Variants in PAQR3 observed in about 807,000 individuals in gnomAD.
PAQR3 encodes the protein progestin and adipoQ receptor family member 3.
PAQR3 carries 39 observed loss-of-function variants against 41.7 expected under a neutral mutation model. The ratio of observed to expected loss-of-function variants is 0.93; its 90% CI spans 0.72 to 1.22. The LOEUF is 1.22. Among genes scored for constraint, PAQR3 ranks in the 50% most tolerant of loss-of-function variants. The pLI is 0.00. For missense variants in PAQR3, 366 were observed against 385.6 expected (o/e 0.95, Z 0.42); for synonymous variants, 140 against 140.6 (o/e 1.00, Z 0.03).
At chr4:78,926,048 C>T (rs1031758354) in intron 4 of PAQR3, among the ~76,000 whole-genome samples, 1 of 152,206 alleles carries the variant, frequency 6.6e-6, no homozygotes, top group Non-Finnish European at 1.5e-5. Context: ...TGGCTGAAAT[C>T]CCAGATCCTA....
chr4:78,931,214 T>TAAA (rs1736860220), intron 2 of PAQR3, among the ~76,000 whole-genome samples: 4 of 114,750 alleles, frequency 3.5e-5, no homozygotes, highest in South Asian at 2.7e-4. Context: ...AAAAAAAAAT[T>TAAA]GGGCATGGCG....
rs968922462 is a variant in PAQR3, at chr4:78,906,811, T to C, written c.*783-650A>G. Reference sequence around the variant, plus strand: ...CATGATGATGGTAGAGTGCTTATTATGTGTTCAGGCACCGTTCTAAGTCCT... The same window carrying C: ...CATGATGATGGTAGAGTGCTTATTACGTGTTCAGGCACCGTTCTAAGTCCT... On this transcript the variant is annotated intron_variant and NMD_transcript_variant, in intron 10 of 12. Transcript: ENST00000342820. 3.3e-5 allele frequency among the ~76,000 whole-genome samples: 5 copies of C among 152,272 alleles called. No homozygotes were observed. The East Asian group carries it at 9.6e-4, about 29-fold the overall frequency.
At chr4:78,930,887 T>C (rs1335268567) in intron 2 of PAQR3, among the ~76,000 whole-genome samples, 7 of 4,206 alleles carry the variant, frequency 1.7e-3, no homozygotes, top group African/African-American at 6.0e-3. Context: ...ACATTATATA[T>C]ATATATATAT....
rs1488773371 is a variant in PAQR3, at chr4:78,912,352, G to C, written c.*8187C>G. On this transcript the variant is annotated 3_prime_UTR_variant, in exon 6 of 6. Transcript: ENST00000512733. ...TTTCTAGGTGTGTAGCCACTGAGAA[G>C]GGACAGTGAAACTGTTATTTTTGAT... The C allele has an allele frequency of 4.0e-6, 1 of 247,176 alleles. No homozygotes were observed. Among genetic ancestry groups the C allele is most frequent in the Non-Finnish European group, 7.7e-6 (1 of 129,884 alleles). The allele number at this position is 247,176 out of a possible 1,614,324, so 15.3% of individuals were successfully genotyped here.
intron 5 of PAQR3, chr4:78,922,438 G>C: frequency 1.6e-6 from 2 of 1,288,594 alleles, no homozygotes; most frequent in Non-Finnish European, 2.0e-6. Flanking sequence ...CCAGGAAGAA[G>C]AGGGGATAAA....
downstream of PAQR3, among the ~76,000 whole-genome samples, chr4:78,908,468 C>A (rs1445103765): frequency 6.6e-6 from 1 of 152,174 alleles, no homozygotes; most frequent in African/African-American, 2.4e-5. Context: ...CCTCTGCTGA[C>A]TTCTGAATGT....
At chr4:78,894,663 G>A (rs537964341) in intron 11 of PAQR3, among the ~76,000 whole-genome samples, 32 of 152,254 alleles carry the variant, frequency 2.1e-4, no homozygotes, top group Admixed American at 9.8e-4. Context: ...CTTTCTTACC[G>A]TTCATCACTG....
At chr4:78,903,990 T>C (rs1734153881) in intron 11 of PAQR3, among the ~76,000 whole-genome samples, 1 of 151,952 alleles carries the variant, frequency 6.6e-6, no homozygotes, top group Admixed American at 6.6e-5. Flanking sequence ...GGTCTCAGAT[T>C]TCTTACGTAT....
chr4:78,921,582 T>C lies in PAQR3; in HGVS notation c.794-901A>G, dbSNP rs961929047. The C allele has an allele frequency of 3.8e-6, 3 of 796,314 alleles. No individual in the cohort carries two copies. The East Asian group carries it at 3.8e-4, about 100-fold the overall frequency. The allele number at this position is 796,314 out of a possible 1,614,324, so 49.3% of individuals were successfully genotyped here. ...AAAACACAGAGGATTACAACAAATA[T>C]TGATTATCTAATACAACTATCAGAG... On this transcript the variant is annotated intron_variant, in intron 5 of 5. Transcript: ENST00000512733.
intron 1 of PAQR3, among the ~76,000 whole-genome samples, chr4:78,938,308 T>C (rs931867689): frequency 6.6e-6 from 1 of 152,000 alleles, no homozygotes; most frequent in African/African-American, 2.4e-5. Flanking sequence ...TTCAGTTTTG[T>C]TTTTTTAAAA....
rs1236756803 is a variant in PAQR3, at chr4:78,916,871, G to A, written c.*3668C>T. The A allele has an allele frequency of 6.6e-6, 1 of 151,644 alleles. No individual in the cohort carries two copies. The highest frequency in any genetic ancestry group is 2.4e-5 in the African/African-American group (1 of 41,330). 9.4% of individuals were successfully genotyped at this position (151,644 alleles called of 1,614,324 possible). Reference sequence around the variant, plus strand: ...TTGATGGACTAAGCTTGGCATCAAGGTTATAATATGTATTATTCCAAAAAC... The same window carrying A: ...TTGATGGACTAAGCTTGGCATCAAGATTATAATATGTATTATTCCAAAAAC... On this transcript the variant is annotated 3_prime_UTR_variant, in exon 6 of 6. Coordinates refer to ENST00000512733, the MANE Select transcript of PAQR3 (RefSeq NM_001040202.2).
chr4:78,919,937 TTA>T lies in PAQR3; in HGVS notation c.*600_*601del. The T allele has an allele frequency of 1.0e-6, 1 of 985,288 alleles. No individual in the cohort carries two copies. The highest frequency in any genetic ancestry group is 1.2e-6 in the Non-Finnish European group (1 of 829,520). The allele number at this position is 985,288 out of a possible 1,614,324, so 61.0% of individuals were successfully genotyped here. ...CCTTCTCTCAACTTACTGCAGAAGT[TTA>T]AAGCTTTTGTTCTGGAAAACTAAAA... On this transcript the variant is annotated 3_prime_UTR_variant, in exon 6 of 6. Coordinates refer to ENST00000512733, the MANE Select transcript of PAQR3 (RefSeq NM_001040202.2).
chr4:78,919,194 A>G lies in PAQR3; in HGVS notation c.*1345T>C. ...ATTTTGGGAATAAGCTTCATCATCA[A>G]TTAACATTTTTTCTGATATTCAGTA... On this transcript the variant is annotated 3_prime_UTR_variant, in exon 6 of 6. Transcript: ENST00000512733. The G allele has an allele frequency of 1.0e-6, 1 of 985,126 alleles. No individual in the cohort carries two copies. The allele number at this position is 985,126 out of a possible 1,614,324, so 61.0% of individuals were successfully genotyped here.
intron 3 of PAQR3, among the ~76,000 whole-genome samples, chr4:78,929,737 T>C (rs578099649): frequency 6.6e-6 from 1 of 152,320 alleles, no homozygotes; most frequent in African/African-American, 2.4e-5. Context: ...TCAGATATAT[T>C]TTCCTGTATT....
intron 12 of PAQR3, chr4:78,887,981 C>G (rs1044910263): frequency 6.6e-6 from 1 of 152,170 alleles, no homozygotes; most frequent in Admixed American, 6.5e-5. Context: ...CAGTTCTGTT[C>G]CTTTTGTTTC....
At chr4:78,906,195 G>C (rs1429438034) in intron 10 of PAQR3, 2 of 152,034 alleles carry the variant, frequency 1.3e-5, no homozygotes, top group Admixed American at 1.3e-4. Context: ...GTTTGTCTTA[G>C]TATGCTTTCA....
chr4:78,919,748 A>AG lies in PAQR3; in HGVS notation c.*790dup, dbSNP rs1444099290. On this transcript the variant is annotated 3_prime_UTR_variant, in exon 6 of 6. Coordinates refer to ENST00000512733, the MANE Select transcript of PAQR3 (RefSeq NM_001040202.2). Reference sequence around the variant, plus strand: ...ATCAAAAACCTGTAATCCACTCACAAGAATTCAGTTATTATATGGAATTAA... The same window carrying AG: ...ATCAAAAACCTGTAATCCACTCACAAGGAATTCAGTTATTATATGGAATTAA... 6 of 984,896 alleles carry AG rather than the reference A, an allele frequency of 6.1e-6. No individual in the cohort carries two copies. The highest frequency in any genetic ancestry group is 5.2e-4 in the Middle Eastern group (1 of 1,912). 61.0% of individuals were successfully genotyped at this position (984,896 alleles called of 1,614,324 possible).
rs943190117 is a variant in PAQR3, at chr4:78,930,284, G to C, written c.390C>G (p.Cys130Trp). Residue 130 changes from cysteine to tryptophan, a missense_variant, in exon 3 of 6, where the codon TGC (cysteine) becomes TGG (tryptophan). Coordinates refer to ENST00000512733, the MANE Select transcript of PAQR3 (RefSeq NM_001040202.2). Reference sequence around the variant, plus strand: ...TTCGACATGTTTTTTCTGACCGATGGCAGGAAAAAAGATGATAGCCCACAG... The same window carrying C: ...TTCGACATGTTTTTTCTGACCGATGCCAGGAAAAAAGATGATAGCCCACAG... ...LCSVGYHLFS[C>W]HRSEKTCRRW... is the part of the protein sequence containing the mutation. 6.2e-7 allele frequency: 1 copy of C among 1,613,276 alleles called. No individual in the cohort carries two copies.
At chr4:78,902,220 A>G (rs1162086632) in intron 11 of PAQR3, among the ~76,000 whole-genome samples, 1 of 152,186 alleles carries the variant, frequency 6.6e-6, no homozygotes, top group Non-Finnish European at 1.5e-5. Context: ...ATAGTTTATA[A>G]GTAGGAATCT....
Sources: allele counts gnomAD v4.1 joint callset (sites outside exome capture counted in the v4.1 genomes callset), GRCh38; gene constraint gnomAD v4.1.1; transcripts MANE v1.5; gene names NCBI Gene and HGNC (gene_info 2026-07-23, HGNC 2026-07-21).